ZFHX3: variants seen among roughly 807,000 people sequenced by gnomAD.
The protein encoded by ZFHX3 is zinc finger homeobox 3.
A neutral mutation model predicts 279.1 loss-of-function variants in ZFHX3; 42 were observed. The ratio of observed to expected loss-of-function variants is 0.15; its 90% CI spans 0.12 to 0.19. ZFHX3 has a LOEUF of 0.19. ZFHX3 is among the 10% of genes least tolerant of loss of function. The pLI is 1.00. For synonymous variants in ZFHX3, 2,293 were observed against 1,957.8 expected (o/e 1.17, Z -4.52); for missense variants, 4,981 against 4,754.0 (o/e 1.05, Z -1.40).
intron 2 of ZFHX3, among the ~76,000 whole-genome samples, chr16:73,619,953 C>G (rs1024882496): frequency 1.3e-5 from 2 of 152,152 alleles, no homozygotes; most frequent in Non-Finnish European, 2.9e-5. Context: ...ATCTAGCACC[C>G]TAGTAGGCTT....
chr16:73,529,768 C>T (rs773169977), intron 2 of ZFHX3, among the ~76,000 whole-genome samples: 9 of 152,130 alleles, frequency 5.9e-5, no homozygotes, highest in African/African-American at 1.7e-4. Context: ...TCAGAGTGCT[C>T]GAAATAATTG....
intron 3 of ZFHX3, among the ~76,000 whole-genome samples, chr16:72,943,296 G>A (rs1441217535): frequency 6.6e-6 from 1 of 152,180 alleles, no homozygotes; most frequent in Non-Finnish European, 1.5e-5. Flanking sequence ...CACTCTAGGA[G>A]GCCAAGGTGG....
At chr16:73,394,790 A>T in intron 3 of ZFHX3, among the ~76,000 whole-genome samples, 1 of 152,188 alleles carries the variant, frequency 6.6e-6, no homozygotes, top group African/African-American at 2.4e-5. Context: ...TAACATTTTC[A>T]GTGTACTTCT....
intron 2 of ZFHX3, among the ~76,000 whole-genome samples, chr16:73,511,286 T>C (rs1032303302): frequency 1.3e-5 from 2 of 152,214 alleles, no homozygotes; most frequent in Non-Finnish European, 2.9e-5. Flanking sequence ...TCCTCTGTTC[T>C]ATGTCTCTTT....
At chr16:73,577,835 G>A (rs190700472) in intron 2 of ZFHX3, among the ~76,000 whole-genome samples, 18 of 152,268 alleles carry the variant, frequency 1.2e-4, no homozygotes, top group Non-Finnish European at 1.5e-5. Context: ...ACTGAGTGAA[G>A]AGTAGCAAAA....
intron 1 of ZFHX3, among the ~76,000 whole-genome samples, chr16:73,857,367 T>C (rs960200284): frequency 6.6e-6 from 1 of 152,202 alleles, no homozygotes; most frequent in South Asian, 2.1e-4. Context: ...CTAAGTATGT[T>C]TATCAGTCAA....
chr16:73,288,478 C>T (rs1244234089), intron 4 of ZFHX3, among the ~76,000 whole-genome samples: 1 of 152,204 alleles, frequency 6.6e-6, no homozygotes, highest in Non-Finnish European at 1.5e-5. Context: ...GCTGAAGACG[C>T]TTTTCTTCAC....
At chr16:73,802,574 C>T (rs796460100) in intron 1 of ZFHX3, among the ~76,000 whole-genome samples, 3 of 152,262 alleles carry the variant, frequency 2.0e-5, no homozygotes, top group African/African-American at 7.2e-5. Context: ...TGAGAAAGGA[C>T]AGACTAATAC....
intron 1 of ZFHX3, among the ~76,000 whole-genome samples, chr16:73,849,424 C>A (rs953864498): frequency 3.3e-5 from 5 of 152,086 alleles, no homozygotes; most frequent in African/African-American, 1.2e-4. Flanking sequence ...AGTTCTCTCC[C>A]GCTTTGCATA....
At chr16:73,398,566 T>C (rs973805531) in intron 3 of ZFHX3, among the ~76,000 whole-genome samples, 1 of 152,156 alleles carries the variant, frequency 6.6e-6, no homozygotes, top group Non-Finnish European at 1.5e-5. Context: ...GGGTGGAGCA[T>C]TTATAACACA....
intron 3 of ZFHX3, among the ~76,000 whole-genome samples, chr16:73,349,417 T>C (rs2016182518): frequency 6.6e-6 from 1 of 152,230 alleles, no homozygotes; most frequent in Non-Finnish European, 1.5e-5. Context: ...CAGTGTTTAG[T>C]GTGCTCTCGT....
chr16:72,997,771 C>T (rs776378108), intron 1 of ZFHX3, among the ~76,000 whole-genome samples: 6 of 152,074 alleles, frequency 3.9e-5, no homozygotes, highest in Non-Finnish European at 8.8e-5. Context: ...TTTAAATTTC[C>T]CAGTATCCAT....
intron 2 of ZFHX3, among the ~76,000 whole-genome samples, chr16:73,666,779 C>G (rs2052846926): frequency 6.6e-6 from 1 of 151,862 alleles, no homozygotes; most frequent in Non-Finnish European, 1.5e-5. Context: ...TCCATCTGCC[C>G]TGTCCTGCCC....
At chr16:73,036,930 C>T (rs1201573810) in intron 1 of ZFHX3, among the ~76,000 whole-genome samples, 2 of 152,138 alleles carry the variant, frequency 1.3e-5, no homozygotes, top group South Asian at 2.1e-4. Flanking sequence ...AAAACACACC[C>T]GCAAACTTCC....
At chr16:73,421,575 TACA>T (rs2143492939) in intron 3 of ZFHX3, among the ~76,000 whole-genome samples, 1 of 152,318 alleles carries the variant, frequency 6.6e-6, no homozygotes, top group South Asian at 2.1e-4. Context: ...GTACAAAATG[TACA>T]ACATTTTATG....
chr16:73,255,814 C>A (rs2013647459), intron 5 of ZFHX3, among the ~76,000 whole-genome samples: 2 of 152,208 alleles, frequency 1.3e-5, no homozygotes, highest in African/African-American at 4.8e-5. Context: ...GGCTACTGAA[C>A]TGGATACAGC....
intron 5 of ZFHX3, among the ~76,000 whole-genome samples, chr16:73,230,334 C>A (rs942990404): frequency 6.6e-6 from 1 of 152,120 alleles, no homozygotes; most frequent in Non-Finnish European, 1.5e-5. Context: ...TTTCATGGAA[C>A]TATTTTAAAT....
chr16:73,646,222 T>G (rs2052617102), intron 2 of ZFHX3, among the ~76,000 whole-genome samples: 1 of 152,036 alleles, frequency 6.6e-6, no homozygotes. Context: ...TTAAAGAAAG[T>G]AGGATGTGTC....
intron 4 of ZFHX3, among the ~76,000 whole-genome samples, chr16:72,852,737 T>C (rs1027775432): frequency 6.6e-6 from 1 of 152,240 alleles, no homozygotes; most frequent in Non-Finnish European, 1.5e-5. Context: ...TTCTCTGTAA[T>C]GTTGAATGCT....
Sources: allele counts gnomAD v4.1 joint callset (sites outside exome capture counted in the v4.1 genomes callset), GRCh38; gene constraint gnomAD v4.1.1; transcripts MANE v1.5; gene names NCBI Gene and HGNC (gene_info 2026-07-23, HGNC 2026-07-21).